PEX14: variants seen among roughly 807,000 people sequenced by gnomAD.
PEX14 encodes the protein peroxisomal biogenesis factor 14, also known as peroxisomal membrane protein PEX14.
In PEX14, 15 loss-of-function variants were observed where a neutral mutation model predicts 49.5. The ratio of observed to expected loss-of-function variants is 0.30; its 90% confidence interval spans 0.20 to 0.47. PEX14 has a LOEUF of 0.47. Among genes scored for constraint, PEX14 ranks in the 20% least tolerant of loss-of-function variants. The pLI is 1.00. For missense variants in PEX14, 398 were observed against 494.8 expected (o/e 0.80, Z 1.86); for synonymous variants, 210 against 212.7 (o/e 0.99, Z 0.11).
intron 3 of PEX14, among the ~76,000 whole-genome samples, chr1:10,574,042 C>T (rs1194035086): frequency 6.6e-6 from 1 of 152,202 alleles, no homozygotes; most frequent in Non-Finnish European, 1.5e-5. Flanking sequence ...GTGGAGGTTG[C>T]AGTGAGCTGA....
intron 5 of PEX14, among the ~76,000 whole-genome samples, chr1:10,621,004 C>T (rs967177438): frequency 1.3e-5 from 2 of 152,194 alleles, no homozygotes; most frequent in African/African-American, 4.8e-5. Context: ...GGGCCTGTGG[C>T]CTGACGGGAG....
intron 2 of PEX14, among the ~76,000 whole-genome samples, chr1:10,530,440 C>T (rs1036894218): frequency 2.0e-5 from 3 of 152,238 alleles, no homozygotes; most frequent in African/African-American, 7.2e-5. Flanking sequence ...GCGCCTCCGC[C>T]GGCTCCGGCT....
chr1:10,505,437 C>T (rs942173178), intron 2 of PEX14, among the ~76,000 whole-genome samples: 1 of 152,174 alleles, frequency 6.6e-6, no homozygotes, highest in African/African-American at 2.4e-5. Context: ...AGAGCGAGAC[C>T]TGTCTCAAAA....
At chr1:10,609,380 T>C (rs1641212491) in intron 4 of PEX14, among the ~76,000 whole-genome samples, 1 of 152,222 alleles carries the variant, frequency 6.6e-6, no homozygotes, top group Admixed American at 6.5e-5. Flanking sequence ...TACAATAAGA[T>C]ACATCAATTT....
At chr1:10,589,029 G>T (rs1290125373) in intron 3 of PEX14, among the ~76,000 whole-genome samples, 1 of 152,044 alleles carries the variant, frequency 6.6e-6, no homozygotes, top group Non-Finnish European at 1.5e-5. Context: ...AGATAAGGGT[G>T]GGCTACTGTA....
chr1:10,544,667 C>G (rs1031254717), intron 3 of PEX14, among the ~76,000 whole-genome samples: 2 of 152,186 alleles, frequency 1.3e-5, no homozygotes, highest in Non-Finnish European at 2.9e-5. Context: ...CCTCCTACCC[C>G]TTGGTAATCC....
intron 2 of PEX14, among the ~76,000 whole-genome samples, chr1:10,503,185 G>A (rs1401892723): frequency 6.8e-6 from 1 of 147,498 alleles, no homozygotes; most frequent in East Asian, 2.1e-4. Context: ...TAGAGGCTTA[G>A]GCATGAGAAT....
At chr1:10,506,269 G>A (rs1388651365) in intron 2 of PEX14, among the ~76,000 whole-genome samples, 1 of 152,028 alleles carries the variant, frequency 6.6e-6, no homozygotes, top group Non-Finnish European at 1.5e-5. Flanking sequence ...CAAATATAAT[G>A]TGTTCTTTTT....
chr1:10,583,608 C>A (rs986472025), intron 3 of PEX14, among the ~76,000 whole-genome samples: 9 of 151,510 alleles, frequency 5.9e-5, no homozygotes, highest in Non-Finnish European at 4.4e-5. Context: ...AATAAAATAA[C>A]CCCAAATGCA....
rs539773024 is a variant in PEX14 at position 10,566,152 on chromosome 1, G to T, written c.169+29855G>T. 3.7e-4 allele frequency among the ~76,000 whole-genome samples: 57 copies of T among 152,218 alleles called. No individual in the cohort carries two copies. In the Middle Eastern group the frequency reaches 0.014, roughly 36 times the overall value. ...CTTTCAATCAGTTTGTTTTTCAGTT[G>T]TTCTCAGCAGTATTGTTGAACTTTT... is the stretch of plus-strand genomic sequence containing the variant. On this transcript the variant is annotated intron_variant, in intron 3 of 8. Transcript: ENST00000356607.
intron 3 of PEX14, among the ~76,000 whole-genome samples, chr1:10,554,130 ATAC>A (rs1419943744): frequency 1.2e-4 from 10 of 81,042 alleles, no homozygotes; most frequent in Non-Finnish European, 1.7e-4. Context: ...TCTACTAAAA[ATAC>A]AAAAAAAAAA....
intron 2 of PEX14, among the ~76,000 whole-genome samples, chr1:10,522,631 T>C (rs1212192911): frequency 2.0e-5 from 3 of 152,226 alleles, no homozygotes; most frequent in Non-Finnish European, 4.4e-5. Flanking sequence ...TGGTGTACCG[T>C]GAGGACCTGT....
intron 1 of PEX14, among the ~76,000 whole-genome samples, chr1:10,482,837 T>C (rs1342536410): frequency 6.6e-6 from 1 of 152,234 alleles, no homozygotes; most frequent in Non-Finnish European, 1.5e-5. Flanking sequence ...GAACATAATA[T>C]GTGCATTTCT....
intron 3 of PEX14, 41 bp from the exon 4 acceptor site, chr1:10,599,197 A>G (rs1015641122): frequency 6.2e-7 from 1 of 1,609,690 alleles, no homozygotes; most frequent in African/African-American, 1.3e-5. Flanking sequence ...ATGGACACTG[A>G]CAAAAGGTAC....
intron 1 of PEX14, among the ~76,000 whole-genome samples, chr1:10,493,873 A>T (rs868668351): frequency 6.6e-6 from 1 of 152,158 alleles, no homozygotes; most frequent in Non-Finnish European, 1.5e-5. Flanking sequence ...GGAAGAAGAC[A>T]TATGTGTCAG....
intron 3 of PEX14, among the ~76,000 whole-genome samples, chr1:10,544,911 G>A (rs1404325742): frequency 6.6e-6 from 1 of 152,002 alleles, no homozygotes; most frequent in African/African-American, 2.4e-5. Flanking sequence ...ACAGGCACAC[G>A]CCACCAAACC....
intron 5 of PEX14, 131 bp from the exon 6 acceptor site, chr1:10,622,888 T>C (rs542693288): frequency 4.5e-5 from 32 of 703,322 alleles, no homozygotes; most frequent in South Asian, 4.2e-4. Flanking sequence ...ATCTTGTTCA[T>C]TTATGGTGTT....
intron 4 of PEX14, among the ~76,000 whole-genome samples, chr1:10,611,266 A>G (rs517344): frequency 0.95 from 143,948 of 152,016 alleles, 68,363 homozygotes; most frequent in Middle Eastern, 0.99. Context: ...CTGTCCCCCC[A>G]CCGAAATAAA....
intron 3 of PEX14, among the ~76,000 whole-genome samples, chr1:10,554,918 T>C (rs1361864626): frequency 6.6e-6 from 1 of 152,122 alleles, no homozygotes; most frequent in East Asian, 1.9e-4. Flanking sequence ...GGTTTTGCCA[T>C]GTTTCCCAGG....
Sources: allele counts gnomAD v4.1 joint callset (sites outside exome capture counted in the v4.1 genomes callset), GRCh38; gene constraint gnomAD v4.1.1; transcripts MANE v1.5; gene names NCBI Gene and HGNC (gene_info 2026-07-23, HGNC 2026-07-21).